The following CTNNA3 variants were observed in gnomAD, a reference collection of about 807,000 sequenced individuals.
CTNNA3 encodes the protein catenin alpha-3.
CTNNA3 carries 76 observed loss-of-function variants against 95.7 expected under a neutral mutation model. The observed-to-expected ratio is 0.79, with a 90% CI of 0.66 to 0.96. The LOEUF (loss-of-function observed/expected upper bound fraction) is 0.96, where lower values mean the gene tolerates loss of function less well. CTNNA3 is among the 40% of genes least tolerant of loss of function. The probability of loss-of-function intolerance (pLI) is 0.00; values close to 1 mark genes in which losing one functional copy is unlikely to be tolerated. For missense variants in CTNNA3, 1,191 were observed against 1,089.8 expected (o/e 1.09, Z -1.31); for synonymous variants, 431 against 374.4 (o/e 1.15, Z -1.74).
At chr10:67,211,632 C>T (rs935313036) in intron 6 of CTNNA3, among the ~76,000 whole-genome samples, 6 of 152,210 alleles carry the variant, frequency 3.9e-5, no homozygotes, top group African/African-American at 1.2e-4. Context: ...ATGAATAAGG[C>T]ATTATTCCTC....
intron 9 of CTNNA3, among the ~76,000 whole-genome samples, chr10:66,725,461 A>T (rs1205059702): frequency 1.3e-5 from 2 of 152,166 alleles, no homozygotes; most frequent in African/African-American, 2.4e-5. Flanking sequence ...GGTTAAGACC[A>T]GGTATCTGAT....
chr10:66,745,094 G>C (rs183146025), intron 9 of CTNNA3, among the ~76,000 whole-genome samples: 2 of 152,226 alleles, frequency 1.3e-5, no homozygotes, highest in Non-Finnish European at 2.9e-5. Context: ...CACCCCCAGC[G>C]CTTCTCAGCT....
At chr10:65,972,899 A>C (rs2078134622) in intron 16 of CTNNA3, among the ~76,000 whole-genome samples, 1 of 21,236 alleles carries the variant, frequency 4.7e-5, no homozygotes, top group African/African-American at 1.0e-4. Context: ...AGCAATCCTA[A>C]GGGGGAAAAA....
At chr10:66,744,876 T>C (rs556350968) in intron 9 of CTNNA3, among the ~76,000 whole-genome samples, 2 of 152,308 alleles carry the variant, frequency 1.3e-5, no homozygotes, top group South Asian at 2.1e-4. Context: ...TGTTGAGGAA[T>C]AAATTGTAAT....
intron 1 of CTNNA3, among the ~76,000 whole-genome samples, chr10:67,757,815 G>A (rs573203457): frequency 1.4e-4 from 21 of 152,230 alleles, no homozygotes; most frequent in Admixed American, 6.5e-5. Context: ...CCTTCTGATC[G>A]TGTGAGTCAA....
chr10:67,304,920 A>C (rs547372642), intron 5 of CTNNA3, among the ~76,000 whole-genome samples: 6 of 151,998 alleles, frequency 3.9e-5, no homozygotes, highest in Non-Finnish European at 8.8e-5. Context: ...GAGTGAGGAT[A>C]AGGGAAGAGG....
chr10:67,011,478 C>T (rs1410475897), intron 7 of CTNNA3, among the ~76,000 whole-genome samples: 7 of 152,124 alleles, frequency 4.6e-5, no homozygotes, highest in Admixed American at 4.6e-4. Flanking sequence ...CCAGAAAGTG[C>T]TTTACAGTGC....
intron 12 of CTNNA3, among the ~76,000 whole-genome samples, chr10:66,360,647 C>CT (rs759911889): frequency 0.029 from 1,802 of 61,508 alleles, 93 homozygotes; most frequent in East Asian, 0.15. Context: ...TTCTTTCTTT[C>CT]TTTCTTTCTT....
intron 7 of CTNNA3, among the ~76,000 whole-genome samples, chr10:66,912,284 A>G (rs1046571675): frequency 3.3e-5 from 5 of 152,198 alleles, no homozygotes; most frequent in Non-Finnish European, 5.9e-5. Flanking sequence ...TTTTTACTAT[A>G]AAATAACAAA....
intron 5 of CTNNA3, among the ~76,000 whole-genome samples, chr10:67,381,910 T>A (rs1843961651): frequency 6.6e-6 from 1 of 152,156 alleles, no homozygotes; most frequent in South Asian, 2.1e-4. Context: ...TGAAACAATA[T>A]CACTATCCAG....
At chr10:67,111,062 G>A (rs1236812825) in intron 7 of CTNNA3, among the ~76,000 whole-genome samples, 1 of 152,022 alleles carries the variant, frequency 6.6e-6, no homozygotes, top group Non-Finnish European at 1.5e-5. Context: ...CAACCACAGG[G>A]AGAATAATAT....
At chr10:67,517,260 T>C (rs1303323718) in intron 5 of CTNNA3, among the ~76,000 whole-genome samples, 1 of 152,098 alleles carries the variant, frequency 6.6e-6, no homozygotes, top group African/African-American at 2.4e-5. Context: ...CTAACTCCTG[T>C]TATCTCTTGT....
intron 9 of CTNNA3, among the ~76,000 whole-genome samples, chr10:66,751,539 G>A (rs143080473): frequency 0.011 from 1,730 of 152,214 alleles, 30 homozygotes; most frequent in African/African-American, 0.038. Context: ...CCCAATAAAT[G>A]AATAGGTGTG....
chr10:66,057,697 C>G (rs1004642901), intron 15 of CTNNA3, among the ~76,000 whole-genome samples: 1 of 152,118 alleles, frequency 6.6e-6, no homozygotes, highest in African/African-American at 2.4e-5. Flanking sequence ...TACTCTAACA[C>G]ACTATCCAAT....
chr10:66,259,402 G>A (rs1242110671), intron 13 of CTNNA3, among the ~76,000 whole-genome samples: 1 of 152,112 alleles, frequency 6.6e-6, no homozygotes, highest in Non-Finnish European at 1.5e-5. Flanking sequence ...CATGAGCATG[G>A]GGGAACACAA....
chr10:66,323,685 A>G (rs1342359839), intron 12 of CTNNA3, among the ~76,000 whole-genome samples: 1 of 150,310 alleles, frequency 6.7e-6, no homozygotes, highest in Non-Finnish European at 1.5e-5. Flanking sequence ...AGAAGAGGGC[A>G]GTTCCCCAGC....
At chr10:66,201,510 T>C (rs2087404034) in intron 13 of CTNNA3, among the ~76,000 whole-genome samples, 1 of 152,066 alleles carries the variant, frequency 6.6e-6, no homozygotes, top group African/African-American at 2.4e-5. Context: ...ATCTAATCCT[T>C]CTCCTCCAAC....
At chr10:66,589,774 T>C (rs556656913) in intron 10 of CTNNA3, among the ~76,000 whole-genome samples, 4 of 152,276 alleles carry the variant, frequency 2.6e-5, no homozygotes, top group South Asian at 4.1e-4. Flanking sequence ...CCATTGCTTT[T>C]TCCCTTAGAT....
At chr10:66,623,934 G>T (rs1844840331) in intron 9 of CTNNA3, among the ~76,000 whole-genome samples, 1 of 152,198 alleles carries the variant, frequency 6.6e-6, no homozygotes, top group South Asian at 2.1e-4. Flanking sequence ...AATTCTGCAT[G>T]GCTCTTTAGT....
Sources: gnomAD v4.1 joint callset for allele counts (sites outside exome capture counted in the v4.1 genomes callset) on GRCh38, gnomAD v4.1.1 for gene constraint, MANE v1.5 for transcripts, NCBI Gene and HGNC (gene_info 2026-07-23, HGNC 2026-07-21) for gene names.